The following ATL2 variants were observed in gnomAD, a reference collection of about 807,000 sequenced individuals.
The protein encoded by ATL2 is atlastin GTPase 2.
In ATL2, 31 loss-of-function variants were observed where a neutral mutation model predicts 73.9. The observed-to-expected ratio is 0.42, with a 90% CI of 0.32 to 0.57. The LOEUF (loss-of-function observed/expected upper bound fraction) is 0.57, where lower values mean the gene tolerates loss of function less well. Ranked by LOEUF, ATL2 falls within the 20% of genes least tolerant of loss-of-function variation. The pLI is 0.14. For missense variants in ATL2, 738 were observed against 702.6 expected, an observed-to-expected ratio of 1.05 and a Z score of -0.57; for synonymous variants, 291 against 237.5, an observed-to-expected ratio of 1.23 and a Z score of -2.07.
upstream of ATL2, chr2:38,377,285 C>A: frequency 2.0e-6 from 3 of 1,520,572 alleles, no homozygotes; most frequent in Non-Finnish European, 2.7e-6. Flanking sequence ...AAATTAACTC[C>A]CCACTGACGT....
intron 1 of ATL2, among the ~76,000 whole-genome samples, chr2:38,363,572 A>C (rs575755962): frequency 7.9e-5 from 12 of 152,346 alleles, no homozygotes; most frequent in African/African-American, 2.9e-4. Flanking sequence ...GATGCAATAA[A>C]AGTATATTTG....
At chr2:38,304,601 CAT>C (rs1415565596) in intron 9 of ATL2, among the ~76,000 whole-genome samples, 1 of 152,150 alleles carries the variant, frequency 6.6e-6, no homozygotes, top group African/African-American at 2.4e-5. Flanking sequence ...CTTTTCCAGA[CAT>C]AGACGGTATA....
rs1026144200 is a variant in ATL2, at chr2:38,376,313, G to C, written c.118+830C>G. ...GCCAACGCAACTGCGTCTTCGAGGG[G>C]GCAGGGGCGCTCCTGGTACACGTAC... is the stretch of plus-strand genomic sequence containing the variant. On this transcript the variant is annotated intron_variant, in intron 1 of 12. Coordinates refer to ENST00000378954, the MANE Select transcript of ATL2 (RefSeq NM_001135673.4). 5 of 1,273,098 alleles carry C rather than the reference G, an allele frequency of 3.9e-6. No individual in the cohort carries two copies. The African/African-American group carries it at 4.4e-5, about 11-fold the overall frequency. 78.9% of individuals were successfully genotyped at this position (1,273,098 alleles called of 1,614,324 possible). A position where few individuals can be genotyped will look rare whatever the true frequency, so the allele number is the denominator to read the frequency against.
intron 2 of ATL2, among the ~76,000 whole-genome samples, chr2:38,327,004 C>T (rs1668700436): frequency 6.7e-6 from 1 of 149,556 alleles, no homozygotes; most frequent in Non-Finnish European, 1.5e-5. Context: ...CAAAGCAAAA[C>T]AAAAATCATG....
At chr2:38,373,776 G>A (rs1165161779) in intron 1 of ATL2, among the ~76,000 whole-genome samples, 3 of 152,154 alleles carry the variant, frequency 2.0e-5, no homozygotes, top group Non-Finnish European at 2.9e-5. Flanking sequence ...GCTTCTCCAT[G>A]ACCATAACAA....
At position 38,363,158 on chromosome 2, in the gene ATL2, G is replaced by C. The variant is rs150660170; in HGVS notation, c.118+13985C>G. Reference sequence around the variant, plus strand: ...AAGCTCAGATAAAGCAATCTGCGAGGATACACATTTTGTAAGTAATCAACT... The same window carrying C: ...AAGCTCAGATAAAGCAATCTGCGAGCATACACATTTTGTAAGTAATCAACT... On this transcript the variant is annotated intron_variant, in intron 1 of 12. Coordinates refer to ENST00000378954, the MANE Select transcript of ATL2 (RefSeq NM_001135673.4). Among the ~76,000 whole-genome samples the C allele has an allele frequency of 2.9e-3, 447 of 152,234 alleles. 3 individuals carry two copies. The highest frequency in any genetic ancestry group is 9.9e-3 in the African/African-American group (413 of 41,542).
At chr2:38,344,261 A>G (rs1452853389) in intron 1 of ATL2, among the ~76,000 whole-genome samples, 1 of 152,180 alleles carries the variant, frequency 6.6e-6, no homozygotes, top group Non-Finnish European at 1.5e-5. Flanking sequence ...TTTCCCTGTA[A>G]GCATCACCTA....
chr2:38,339,045 A>G (rs1010303028), intron 2 of ATL2, among the ~76,000 whole-genome samples: 2 of 152,070 alleles, frequency 1.3e-5, no homozygotes, highest in African/African-American at 4.8e-5. Context: ...GTGAAACCCC[A>G]TCTCTATTGA....
In ATL2 at chr2:38,351,221, A is replaced by T. The variant is rs967237920; in HGVS notation, c.119-7709T>A. Among the ~76,000 whole-genome samples, 3 of 152,160 alleles carry T rather than the reference A, an allele frequency of 2.0e-5. No homozygotes were observed. The South Asian group carries it at 6.2e-4, about 31-fold the overall frequency. Reference sequence around the variant, plus strand: ...CTAGTACTTGAACCTCAACATTTATATTTCATACCCAAGTGAAAACAGTAT... The same window carrying T: ...CTAGTACTTGAACCTCAACATTTATTTTTCATACCCAAGTGAAAACAGTAT... On this transcript the variant is annotated intron_variant, in intron 1 of 12. Coordinates refer to ENST00000378954, the MANE Select transcript of ATL2 (RefSeq NM_001135673.4).
At chr2:38,377,286 C>G, upstream of ATL2, 1 of 1,518,450 alleles carries the variant, frequency 6.6e-7, no homozygotes, top group Non-Finnish European at 8.9e-7. Flanking sequence ...AATTAACTCC[C>G]CACTGACGTC....
At chr2:38,331,687 A>G (rs373261278) in intron 2 of ATL2, among the ~76,000 whole-genome samples, 18 of 151,882 alleles carry the variant, frequency 1.2e-4, no homozygotes, top group African/African-American at 2.9e-4. Context: ...ATAAATTCAT[A>G]TATCTATAAT....
chr2:38,363,452 T>G (rs1573580836), intron 1 of ATL2, among the ~76,000 whole-genome samples: 1 of 152,154 alleles, frequency 6.6e-6, no homozygotes, highest in South Asian at 2.1e-4. Flanking sequence ...TAATATGTAT[T>G]TATACAGTCA....
intron 7 of ATL2, 82 bp from the exon 8 acceptor site, chr2:38,310,529 A>G (rs1460020439): frequency 8.5e-7 from 1 of 1,169,592 alleles, no homozygotes; most frequent in Admixed American, 2.8e-5. Flanking sequence ...ACTCGCATGC[A>G]CACTATGCAC....
intron 1 of ATL2, among the ~76,000 whole-genome samples, chr2:38,366,886 G>T (rs1389580430): frequency 6.6e-6 from 1 of 151,958 alleles, no homozygotes. Flanking sequence ...GTCCCATTCC[G>T]GCCTCTAGTC....
intron 1 of ATL2, among the ~76,000 whole-genome samples, chr2:38,374,266 T>C (rs542364133): frequency 4.6e-4 from 70 of 152,172 alleles, no homozygotes; most frequent in South Asian, 1.2e-3. Flanking sequence ...GACTAACGGA[T>C]AGGAAGAAAA....
chr2:38,353,316 A>C (rs1437419606), intron 1 of ATL2, among the ~76,000 whole-genome samples: 1 of 152,208 alleles, frequency 6.6e-6, no homozygotes, highest in Non-Finnish European at 1.5e-5. Flanking sequence ...TTAAAATGAA[A>C]TACTCACTGG....
At chr2:38,358,236 A>C (rs1036821179) in intron 1 of ATL2, among the ~76,000 whole-genome samples, 1 of 152,184 alleles carries the variant, frequency 6.6e-6, no homozygotes, top group African/African-American at 2.4e-5. Context: ...TTTTCAAGGA[A>C]GAAAAAAAGT....
At chr2:38,331,478 C>T (rs1396111446) in intron 2 of ATL2, among the ~76,000 whole-genome samples, 3 of 147,424 alleles carry the variant, frequency 2.0e-5, no homozygotes, top group Admixed American at 6.8e-5. Context: ...GGCATGGCAG[C>T]GCATGCCTGT....
At chr2:38,326,987 C>CA (rs1668699782) in intron 2 of ATL2, among the ~76,000 whole-genome samples, 1 of 150,658 alleles carries the variant, frequency 6.6e-6, no homozygotes, top group East Asian at 2.0e-4. Context: ...GGCTCCATCT[C>CA]AAAAAACAAA....
Sources: gnomAD v4.1 joint callset for allele counts (sites outside exome capture counted in the v4.1 genomes callset) on GRCh38, gnomAD v4.1.1 for gene constraint, MANE v1.5 for transcripts, NCBI Gene and HGNC (gene_info 2026-07-23, HGNC 2026-07-21) for gene names.